The following WWC2 variants were observed in gnomAD, a reference collection of about 807,000 sequenced individuals.
WWC2 encodes protein WWC2.
Under a neutral mutation model 138.5 loss-of-function variants are expected in WWC2, and 101 were observed. The observed-to-expected ratio is 0.73, with a 90% CI of 0.62 to 0.86. WWC2 has a LOEUF of 0.86. WWC2 is among the 40% of genes least tolerant of loss of function. The pLI, the probability that WWC2 is intolerant of heterozygous loss-of-function variation, is 0.00. For synonymous variants in WWC2, 558 were observed against 538.4 expected (o/e 1.04, Z -0.50); for missense variants, 1,420 against 1,419.4 (o/e 1.00, Z -0.01).
chr4:183,247,292 A>T (rs1009758914), intron 6 of WWC2, among the ~76,000 whole-genome samples: 5 of 151,904 alleles, frequency 3.3e-5, no homozygotes, highest in African/African-American at 1.2e-4. Flanking sequence ...TATTTCATTT[A>T]AAAAAATACT....
At chr4:183,160,541 T>C (rs1733934994) in intron 1 of WWC2, among the ~76,000 whole-genome samples, 2 of 152,178 alleles carry the variant, frequency 1.3e-5, no homozygotes, top group Admixed American at 1.3e-4. Flanking sequence ...TAAATTTTAC[T>C]AGGAACAGAA....
intron 1 of WWC2, among the ~76,000 whole-genome samples, chr4:183,158,648 G>A (rs1733871594): frequency 6.6e-6 from 1 of 151,888 alleles, no homozygotes; most frequent in Non-Finnish European, 1.5e-5. Context: ...ACGAATTTTG[G>A]GGGACACAAG....
At chr4:183,110,307 T>G (rs1308336249) in intron 1 of WWC2, among the ~76,000 whole-genome samples, 1 of 152,226 alleles carries the variant, frequency 6.6e-6, no homozygotes, top group Non-Finnish European at 1.5e-5. Flanking sequence ...ATACTGACTT[T>G]CTTGTGGCAT....
chr4:183,114,994 A>G (rs1338979720), intron 1 of WWC2, among the ~76,000 whole-genome samples: 1 of 152,014 alleles, frequency 6.6e-6, no homozygotes, highest in African/African-American at 2.4e-5. Context: ...GCTAATCCCC[A>G]TAGGTAGTTT....
intron 9 of WWC2, 120 bp downstream of exon 9, chr4:183,254,119 C>T (rs1446040740): frequency 3.6e-6 from 5 of 1,404,060 alleles, no homozygotes; most frequent in African/African-American, 1.4e-5. Context: ...TGAGAAACAG[C>T]ACAAATGGAC....
rs1561429296 is a variant in WWC2 at position 183,133,055 on chromosome 4, T to TCCTTTTCTTTTTCCTTCCCTCTTCC, written c.131+33435_131+33459dup. ...TCCTTTTCTTTTCCCTTCCCTTTTT[T>TCCTTTTCTTTTTCCTTCCCTCTTCC]CCTTTTCTTTTTCCTTCCCTCTTCC... On this transcript the variant is annotated intron_variant, in intron 1 of 22. Transcript: ENST00000403733. Among the ~76,000 whole-genome samples the TCCTTTTCTTTTTCCTTCCCTCTTCC allele has an allele frequency of 1.4e-3, 199 of 146,958 alleles. 2 individuals carry two copies. Among genetic ancestry groups the TCCTTTTCTTTTTCCTTCCCTCTTCC allele is most frequent in the African/African-American group, 5.1e-3 (195 of 38,354 alleles).
At chr4:183,106,039 G>C (rs1439791265) in intron 1 of WWC2, among the ~76,000 whole-genome samples, 2 of 151,862 alleles carry the variant, frequency 1.3e-5, no homozygotes, top group African/African-American at 4.8e-5. Flanking sequence ...GGGTGCAGTG[G>C]TGTGATTTCG....
intron 1 of WWC2, among the ~76,000 whole-genome samples, chr4:183,112,691 G>T (rs1469151957): frequency 6.6e-6 from 1 of 152,130 alleles, no homozygotes. Context: ...AAGGCAAACA[G>T]ATTCTAAAGA....
Position 183,320,002 on chromosome 4 carries a change from A to T in WWC2, c.*4273A>T, listed in dbSNP as rs999612589. ...CTGGAGACCCTGAGTTCAGCAGGCAAAGCCAGGAAGGAGTCAAAGTCCTTG... is the reference window on the plus strand; with the variant it reads ...CTGGAGACCCTGAGTTCAGCAGGCATAGCCAGGAAGGAGTCAAAGTCCTTG... On this transcript the variant is annotated 3_prime_UTR_variant, in exon 23 of 23. Transcript: ENST00000403733. 1.3e-5 allele frequency: 21 copies of T among 1,613,904 alleles called. No homozygotes were observed. The highest frequency in any genetic ancestry group is 1.7e-5 in the Non-Finnish European group (20 of 1,179,838).
chr4:183,211,689 CA>C (rs1387124375), intron 4 of WWC2, among the ~76,000 whole-genome samples: 2 of 152,192 alleles, frequency 1.3e-5, no homozygotes, highest in Non-Finnish European at 2.9e-5. Context: ...GTGCAGCTGC[CA>C]GCCCTTCTCT....
chr4:183,250,011 G>GT lies in WWC2; in HGVS notation c.953+22dup, dbSNP rs767854526. The GT allele has an allele frequency of 9.8e-5, 157 of 1,608,042 alleles. 1 individual carries two copies. Among genetic ancestry groups the GT allele is most frequent in the Middle Eastern group, 1.6e-4 (1 of 6,078 alleles). ...AAAAGAAGGTAATGACAGAGAAGCTGTTTTGTGCATGGCTCAAACATTTTC... is the reference window on the plus strand; with the variant it reads ...AAAAGAAGGTAATGACAGAGAAGCTGTTTTTGTGCATGGCTCAAACATTTTC... On this transcript the variant is annotated intron_variant, in intron 8 of 22. Coordinates refer to ENST00000403733, the MANE Select transcript of WWC2 (RefSeq NM_024949.6).
At chr4:183,180,164 C>T (rs577250958) in intron 1 of WWC2, among the ~76,000 whole-genome samples, 1 of 152,116 alleles carries the variant, frequency 6.6e-6, no homozygotes, top group Non-Finnish European at 1.5e-5. Flanking sequence ...GTGGAGGGAA[C>T]TGCACGTGTT....
In WWC2 at chr4:183,230,943, C is replaced by T. The variant is rs948952586; in HGVS notation, c.523-9240C>T. On this transcript the variant is annotated intron_variant, in intron 4 of 22. Coordinates refer to ENST00000403733, the MANE Select transcript of WWC2 (RefSeq NM_024949.6). ...GAAATATTATTAACCAAAACTGATT[C>T]GAGATGATAGAAAAAATCTGAATGG... Among the ~76,000 whole-genome samples the T allele has an allele frequency of 3.3e-5, 5 of 152,002 alleles. 1 individual carries two copies. The highest frequency in any genetic ancestry group is 2.0e-4 in the Admixed American group (3 of 15,252).
intron 1 of WWC2, among the ~76,000 whole-genome samples, chr4:183,177,062 A>G (rs1450776640): frequency 2.6e-5 from 4 of 152,234 alleles, no homozygotes; most frequent in African/African-American, 2.4e-5. Flanking sequence ...GTGGTGGACA[A>G]AATAAGTCAT....
rs1206421771 is a variant in WWC2 at position 183,318,302 on chromosome 4, C to CT, written c.*2574dup. On this transcript the variant is annotated 3_prime_UTR_variant, in exon 23 of 23. Transcript: ENST00000403733. The stretch of plus-strand genomic sequence containing the variant: ...AAATCAAATAAATTAAAATTTTTTG[C>CT]TATTGCTTTATCTATATTGTCTTAA... The CT allele has an allele frequency of 6.6e-6, 1 of 152,484 alleles. No individual in the cohort carries two copies. The highest frequency in any genetic ancestry group is 1.5e-5 in the Non-Finnish European group (1 of 68,014). The allele number at this position is 152,484 out of a possible 1,614,324, so 9.4% of individuals were successfully genotyped here. A position where few individuals can be genotyped will look rare whatever the true frequency, so the allele number is the denominator to read the frequency against.
chr4:183,307,983 C>G (rs1739079070), intron 21 of WWC2, among the ~76,000 whole-genome samples: 1 of 151,604 alleles, frequency 6.6e-6, no homozygotes, highest in Non-Finnish European at 1.5e-5. Flanking sequence ...GACCACAAAC[C>G]TAACAAACAG....
At chr4:183,270,959 GT>G in intron 15 of WWC2, 120 bp from the exon 16 acceptor site, 27 of 939,782 alleles carry the variant, frequency 2.9e-5, no homozygotes, top group Admixed American at 3.9e-5. Flanking sequence ...GGAGAATTGT[GT>G]TTTTTTTACC....
chr4:183,193,849 C>T (rs1463005265), intron 2 of WWC2, 141 bp downstream of exon 2: 1 of 735,486 alleles, frequency 1.4e-6, no homozygotes, highest in East Asian at 2.7e-5. Flanking sequence ...ACTGAAGTGC[C>T]TGTCTTGGTA....
In WWC2 at chr4:183,099,454, A is replaced by G. The variant is rs946948209; in HGVS notation, c.-38A>G. 3.1e-5 allele frequency: 39 copies of G among 1,240,636 alleles called. No individual in the cohort carries two copies. The African/African-American group carries it at 5.1e-4, about 16-fold the overall frequency. The allele number at this position is 1,240,636 out of a possible 1,614,324, so 76.9% of individuals were successfully genotyped here. A position where few individuals can be genotyped will look rare whatever the true frequency, so the allele number is the denominator to read the frequency against. On this transcript the variant is annotated 5_prime_UTR_variant, in exon 1 of 23. Transcript: ENST00000403733. ...GTTCCCGCCGCGTCCCGCGCCCGGTACCTATGGAGGCGCCGCTCGCCGGCG... is the reference window on the plus strand; with the variant it reads ...GTTCCCGCCGCGTCCCGCGCCCGGTGCCTATGGAGGCGCCGCTCGCCGGCG...
Sources: gnomAD v4.1 joint callset for allele counts (sites outside exome capture counted in the v4.1 genomes callset) on GRCh38, gnomAD v4.1.1 for gene constraint, MANE v1.5 for transcripts, NCBI Gene and HGNC (gene_info 2026-07-23, HGNC 2026-07-21) for gene names.